The following BCL9 variants were observed in gnomAD, a reference collection of about 807,000 sequenced individuals.
BCL9 encodes the protein B-cell CLL/lymphoma 9 protein.
BCL9 carries 25 observed loss-of-function variants against 88.5 expected under a neutral mutation model. The ratio of observed to expected loss-of-function variants is 0.28; its 90% CI spans 0.21 to 0.39. The LOEUF (loss-of-function observed/expected upper bound fraction) is 0.39. Among genes scored for constraint, BCL9 ranks in the 10% least tolerant of loss-of-function variants. The probability of loss-of-function intolerance (pLI) is 1.00; values close to 1 mark genes in which losing one functional copy is unlikely to be tolerated. For synonymous variants in BCL9, 711 were observed against 673.3 expected (o/e 1.06, Z -0.87); for missense variants, 1,817 against 1,877.8 (o/e 0.97, Z 0.60).
At chr1:147,584,801 AG>A (rs1372819376) in intron 1 of BCL9, among the ~76,000 whole-genome samples, 2 of 152,214 alleles carry the variant, frequency 1.3e-5, no homozygotes, top group Non-Finnish European at 2.9e-5. Context: ...ACAAATGGTA[AG>A]GAACCTTCCT....
intron 1 of BCL9, among the ~76,000 whole-genome samples, chr1:147,548,979 C>CTTTCTTTT (rs369883527): frequency 2.7e-5 from 3 of 111,342 alleles, no homozygotes; most frequent in African/African-American, 9.9e-5. Flanking sequence ...TTCTTTCTTT[C>CTTTCTTTT]TTTTTTTTTT....
intron 1 of BCL9, among the ~76,000 whole-genome samples, chr1:147,543,118 T>C (rs1345770447): frequency 4.6e-5 from 7 of 152,232 alleles, no homozygotes; most frequent in African/African-American, 1.7e-4. Flanking sequence ...ACATTCATCT[T>C]AACAATTTTT....
intron 1 of BCL9, among the ~76,000 whole-genome samples, chr1:147,589,182 A>G (rs1384493601): frequency 4.6e-5 from 7 of 152,066 alleles, no homozygotes; most frequent in African/African-American, 1.7e-4. Context: ...TGGTGAGCTC[A>G]TTCATTTTCC....
At chr1:147,571,723 T>C (rs1655896333) in intron 1 of BCL9, among the ~76,000 whole-genome samples, 1 of 152,008 alleles carries the variant, frequency 6.6e-6, no homozygotes, top group Non-Finnish European at 1.5e-5. Context: ...CCAGACACAC[T>C]TGGTAAGAAA....
chr1:147,608,329 G>GGTTTT (rs1657827556), intron 3 of BCL9, among the ~76,000 whole-genome samples: 1 of 13,248 alleles, frequency 7.5e-5, no homozygotes, highest in African/African-American at 3.0e-4. Context: ...GTTTTGTTTT[G>GGTTTT]CTTTTTTTTT....
At chr1:147,594,223 C>T (rs782050501) in intron 1 of BCL9, among the ~76,000 whole-genome samples, 6 of 152,064 alleles carry the variant, frequency 3.9e-5, no homozygotes, top group Non-Finnish European at 7.4e-5. Context: ...AATTGACTGA[C>T]GAGGGGAGAG....
chr1:147,624,416 C>A lies in BCL9; in HGVS notation c.3738C>A (p.Ser1246Arg). Residue 1246 changes from serine (S) to arginine (R), a missense_variant, in exon 10 of 10, where the codon AGC (serine) becomes AGA (arginine). Physicochemically the swap from Ser to Arg is moderately radical, Grantham distance 110. Transcript: ENST00000234739. The surrounding 1 kb of genome is among the most constrained non-coding windows in gnomAD (Gnocchi z 4.4). ...LSRIIPSEKP[S>R]QTLQYFPRGE... ...GCATTATTCCATCTGAGAAGCCCAG[C>A]CAGACGCTGCAATATTTCCCTCGAG... The A allele has an allele frequency of 6.2e-7, 1 of 1,614,218 alleles. No individual in the cohort carries two copies. Among genetic ancestry groups the A allele is most frequent in the Non-Finnish European group, 8.5e-7 (1 of 1,180,036 alleles).
At chr1:147,544,395 A>T (rs1027909182) in intron 1 of BCL9, among the ~76,000 whole-genome samples, 1 of 148,302 alleles carries the variant, frequency 6.7e-6, no homozygotes, top group Non-Finnish European at 1.5e-5. Flanking sequence ...AGAGCAGAAA[A>T]TTCTCCTTCC....
In BCL9 at chr1:147,624,619, A is replaced by G; in HGVS notation, c.3941A>G (p.Asn1314Ser). ...LGTAPSMPGH[N>S]PMRPPAFLQQ... ...ACAGCTCCATCCATGCCAGGCCACAACCCCATGAGACCACCAGCCTTTCTC... is the reference window on the plus strand; with the variant it reads ...ACAGCTCCATCCATGCCAGGCCACAGCCCCATGAGACCACCAGCCTTTCTC... Residue 1314 changes from asparagine (N) to serine (S), a missense_variant, in exon 10 of 10, where the codon AAC becomes AGC. Physicochemically the swap from Asn to Ser is conservative, Grantham distance 46. Around this residue, in one of 2 missense-constraint regions of BCL9, gnomAD observed 589 missense variants for 686.2 expected, o/e 0.86. Transcript: ENST00000234739. This position sits in a 1 kb window ranked among gnomAD's most constrained non-coding sequence, Gnocchi z 4.4. 3 of 1,613,910 alleles carry G rather than the reference A, an allele frequency of 1.9e-6. No individual in the cohort carries two copies. The highest frequency in any genetic ancestry group is 2.5e-6 in the Non-Finnish European group (3 of 1,179,984).
intron 1 of BCL9, among the ~76,000 whole-genome samples, chr1:147,576,468 T>C (rs935139262): frequency 6.6e-6 from 1 of 152,198 alleles, no homozygotes; most frequent in African/African-American, 2.4e-5. Flanking sequence ...AGATAAAAAG[T>C]TATAATGAGA....
At chr1:147,603,562 C>T (rs1229938101) in intron 1 of BCL9, among the ~76,000 whole-genome samples, 3 of 152,102 alleles carry the variant, frequency 2.0e-5, no homozygotes, top group African/African-American at 7.2e-5. Context: ...AGTGCAGTGG[C>T]ACAATCTCAG....
intron 6 of BCL9, 129 bp from the exon 7 acceptor site, chr1:147,615,674 A>G (rs1309335909): frequency 5.1e-6 from 3 of 590,884 alleles, no homozygotes; most frequent in Non-Finnish European, 8.7e-6. Flanking sequence ...TTCTTCTTCA[A>G]CATTTCTGGT....
intron 1 of BCL9, among the ~76,000 whole-genome samples, chr1:147,580,262 T>TA (rs1468025679): frequency 6.6e-6 from 1 of 152,172 alleles, no homozygotes; most frequent in African/African-American, 2.4e-5. Flanking sequence ...AAGCATATGA[T>TA]ATTTTCCCAT....
chr1:147,557,377 T>C (rs1445939210), intron 1 of BCL9, among the ~76,000 whole-genome samples: 1 of 152,230 alleles, frequency 6.6e-6, no homozygotes, highest in Non-Finnish European at 1.5e-5. Flanking sequence ...CTTACAGATA[T>C]ATCCTTGCAG....
intron 1 of BCL9, among the ~76,000 whole-genome samples, chr1:147,579,011 G>A (rs960976732): frequency 2.6e-5 from 4 of 152,046 alleles, no homozygotes; most frequent in Non-Finnish European, 4.4e-5. Flanking sequence ...GATTACAGGC[G>A]CCTGCCACCA....
chr1:147,602,218 T>TTC (rs1208696447), intron 1 of BCL9, among the ~76,000 whole-genome samples: 1 of 1,230 alleles, frequency 8.1e-4, no homozygotes, highest in Admixed American at 7.0e-3. Flanking sequence ...GAAATTTTTT[T>TTC]TTTTTGTAGA....
rs1338440643 is a variant in BCL9 at position 147,599,199 on chromosome 1, G to A, written c.-477-5578G>A. ...CCCCCGGCGCATCAGCGGGACTCCT[G>A]CACTTCGCAGAGGGCGGAGGAGAGC... On this transcript the variant is annotated intron_variant, in intron 1 of 9. Coordinates refer to ENST00000234739, the MANE Select transcript of BCL9 (RefSeq NM_004326.4). Among the ~76,000 whole-genome samples, 3 of 152,238 alleles carry A rather than the reference G, an allele frequency of 2.0e-5. 1 individual carries two copies. The highest frequency in any genetic ancestry group is 3.9e-4 in the East Asian group (2 of 5,188).
At position 147,611,607 on chromosome 1, in the gene BCL9, G is replaced by A. The variant is rs1658006277; in HGVS notation, c.-230G>A. ...CCCTGGAGATGCGAGATTTTCCTCTGGCAGCAGGAGGCACGCACCCAGAGA... is the reference window on the plus strand; with the variant it reads ...CCCTGGAGATGCGAGATTTTCCTCTAGCAGCAGGAGGCACGCACCCAGAGA... On this transcript the variant is annotated 5_prime_UTR_variant, in exon 4 of 10. It introduces an in-frame stop codon into an upstream open reading frame of the 5' UTR. Transcript: ENST00000234739. 2 of 551,038 alleles carry A rather than the reference G, an allele frequency of 3.6e-6. No homozygotes were observed. Among genetic ancestry groups the A allele is most frequent in the Admixed American group, 3.1e-5 (1 of 32,780 alleles). 34.1% of individuals were successfully genotyped at this position (551,038 alleles called of 1,614,324 possible).
At chr1:147,609,895 G>T (rs1657911956) in intron 3 of BCL9, among the ~76,000 whole-genome samples, 1 of 152,218 alleles carries the variant, frequency 6.6e-6, no homozygotes, top group Non-Finnish European at 1.5e-5. Flanking sequence ...TTCACAGGGT[G>T]ATAAAATATA....
Sources: allele counts gnomAD v4.1 joint callset (sites outside exome capture counted in the v4.1 genomes callset), GRCh38; gene constraint gnomAD v4.1.1; regional missense constraint gnomAD v4.1.1; non-coding constraint Gnocchi (gnomAD v3.1); transcripts MANE v1.5; gene names NCBI Gene and HGNC (gene_info 2026-07-23, HGNC 2026-07-21).